TRANK1: variants seen among roughly 807,000 people sequenced by gnomAD.
The protein encoded by TRANK1 is TPR and ankyrin repeat-containing protein 1.
Under a neutral mutation model 266.0 loss-of-function variants are expected in TRANK1, and 198 were observed. The ratio of observed to expected loss-of-function variants is 0.74; its 90% CI spans 0.66 to 0.84. TRANK1 has a LOEUF of 0.84. Among genes scored for constraint, TRANK1 ranks in the 40% least tolerant of loss-of-function variants. TRANK1 has a pLI of 0.00. For missense variants in TRANK1, 3,326 were observed against 3,634.6 expected, an observed-to-expected ratio of 0.92 and a Z score of 2.18; for synonymous variants, 1,396 against 1,384.1, an observed-to-expected ratio of 1.01 and a Z score of -0.19.
At chr3:36,917,130 T>C (rs1205166367) in intron 1 of TRANK1, among the ~76,000 whole-genome samples, 3 of 152,062 alleles carry the variant, frequency 2.0e-5, no homozygotes, top group South Asian at 4.1e-4. Context: ...GCATGTAATA[T>C]TGGATTTTCT....
In TRANK1 at chr3:36,864,370, G is replaced by A; in HGVS notation, c.1189C>T (p.Leu397=). 1.3e-6 allele frequency: 2 copies of A among 1,536,916 alleles called. No individual in the cohort carries two copies. The highest frequency in any genetic ancestry group is 1.4e-5 in the African/African-American group (1 of 73,124). ...AACCTCTGAACTACTTCCTGCTTCA[G>A]AAAGTTTTTATGCAATAACCGGTTT... The part of the protein sequence containing the change: ...SGNRLLHKNF[L]KQEVVQRFLR... The change falls in exon 10 of 24, where the codon CTG becomes TTG. Residue 397 remains leucine, a synonymous_variant. Transcript: ENST00000645898.
chr3:36,846,325 C>T lies in TRANK1; in HGVS notation c.5114G>A (p.Arg1705Gln), dbSNP rs1004826361. 11 of 1,613,702 alleles carry T rather than the reference C, an allele frequency of 6.8e-6. No individual in the cohort carries two copies. Among genetic ancestry groups the T allele is most frequent in the East Asian group, 6.7e-5 (3 of 44,880 alleles). ...TTTGAATGCGGGAGCCCGTTTCTCT[C>T]GGTTTTCATCAAAGATCCAGAGGTT... The part of the protein sequence containing the change: ...RVNLWIFDEN[R>Q]EKRAPAFKYF... Residue 1705 changes from arginine (R) to glutamine (Q), a missense_variant, in exon 17 of 24, where the codon CGA (arginine) becomes CAA (glutamine). Coordinates refer to ENST00000645898, the MANE Select transcript of TRANK1 (RefSeq NM_001329998.2).
intron 8 of TRANK1, among the ~76,000 whole-genome samples, chr3:36,885,273 A>C (rs142385449): frequency 1.6e-4 from 24 of 152,338 alleles, no homozygotes; most frequent in African/African-American, 5.8e-4. Context: ...TGAGGATACA[A>C]AATCATTTCT....
intron 1 of TRANK1, among the ~76,000 whole-genome samples, chr3:36,941,696 T>C (rs2080498787): frequency 1.3e-5 from 2 of 152,188 alleles, no homozygotes; most frequent in Admixed American, 1.3e-4. Flanking sequence ...AGGTTAAACT[T>C]AACCATTCTC....
At chr3:36,881,590 G>A (rs777562984) in intron 8 of TRANK1, among the ~76,000 whole-genome samples, 1 of 152,148 alleles carries the variant, frequency 6.6e-6, no homozygotes, top group African/African-American at 2.4e-5. Context: ...TCCAGCCTGG[G>A]CAACACAAGG....
chr3:36,941,338 A>G (rs1324983465), intron 1 of TRANK1, among the ~76,000 whole-genome samples: 2 of 152,208 alleles, frequency 1.3e-5, no homozygotes, highest in East Asian at 3.9e-4. Context: ...CAAAAGACAC[A>G]CAGGGAGTCC....
intron 1 of TRANK1, among the ~76,000 whole-genome samples, chr3:36,911,523 C>G (rs1353573991): frequency 6.6e-6 from 1 of 152,086 alleles, no homozygotes; most frequent in African/African-American, 2.4e-5. Flanking sequence ...ACCAAGTCAG[C>G]TCTTAATGTT....
At chr3:36,912,439 C>G (rs2080065511) in intron 1 of TRANK1, among the ~76,000 whole-genome samples, 1 of 152,204 alleles carries the variant, frequency 6.6e-6, no homozygotes, top group Admixed American at 6.5e-5. Flanking sequence ...GCACTGAGCA[C>G]TCTACCCTGC....
chr3:36,908,010 T>G (rs1307961805), intron 2 of TRANK1, among the ~76,000 whole-genome samples: 1 of 152,098 alleles, frequency 6.6e-6, no homozygotes, highest in Admixed American at 6.5e-5. Flanking sequence ...GCATAGATAA[T>G]AAAGAAGATG....
intron 11 of TRANK1, among the ~76,000 whole-genome samples, chr3:36,859,455 TGCCCTC>T (rs1290332429): frequency 1.3e-5 from 2 of 152,062 alleles, no homozygotes; most frequent in Non-Finnish European, 2.9e-5. Flanking sequence ...GTGTGTGACG[TGCCCTC>T]CCTTTGTCCA....
intron 1 of TRANK1, among the ~76,000 whole-genome samples, chr3:36,925,717 A>C (rs2080278993): frequency 6.6e-6 from 1 of 151,566 alleles, no homozygotes; most frequent in Non-Finnish European, 1.5e-5. Context: ...CAGCCTCCCG[A>C]GTAGCTGGGA....
chr3:36,838,734 T>C lies in TRANK1; in HGVS notation c.5281-18A>G, dbSNP rs775924002. 1.9e-6 allele frequency: 3 copies of C among 1,607,970 alleles called. No individual in the cohort carries two copies. The highest frequency in any genetic ancestry group is 2.5e-6 in the Non-Finnish European group (3 of 1,176,720). On this transcript the variant is annotated intron_variant, in intron 18 of 23. Coordinates refer to ENST00000645898, the MANE Select transcript of TRANK1 (RefSeq NM_001329998.2). ...GCTGCAACCTGGAATAGGCAAAAAG[T>C]TTTATTCCCAGCAAGGTAATGGAGG...
At position 36,855,560 on chromosome 3, in the gene TRANK1, G is replaced by C. The variant is rs370350988; in HGVS notation, c.4162C>G (p.Arg1388Gly). Residue 1388 changes from arginine to glycine, a missense_variant, in exon 13 of 24, where the codon CGG becomes GGG. By Grantham distance (125) the Arg-to-Gly change is moderately radical (BLOSUM62 -2). Transcript: ENST00000645898. ...RKRCPNFKED[R>G]SEIYSLFSLY... is the part of the protein sequence containing the mutation. ...CTGAAGAGGCTGTAGATCTCACTCC[G>C]GTCTTCCTTGAAATTGGGGCACCGT... 3 of 1,613,610 alleles carry C rather than the reference G, an allele frequency of 1.9e-6. No individual in the cohort carries two copies. Among genetic ancestry groups the C allele is most frequent in the Non-Finnish European group, 2.5e-6 (3 of 1,179,798 alleles).
chr3:36,841,249 G>A (rs189910683), intron 18 of TRANK1, among the ~76,000 whole-genome samples: 98 of 152,314 alleles, frequency 6.4e-4, no homozygotes, highest in African/African-American at 1.2e-3. Context: ...GTTCCAAAGC[G>A]GCAAGAGAAA....
In TRANK1 at chr3:36,904,308, G is replaced by A. The variant is rs570793649; in HGVS notation, c.156-1033C>T. On this transcript the variant is annotated intron_variant, in intron 2 of 23. Transcript: ENST00000645898. ...CACTTCGGGAGGCCGAGGCCGAGGC[G>A]AGGAGTTCGAGACCATCCTGGCCAA... Among the ~76,000 whole-genome samples the A allele has an allele frequency of 6.6e-5, 10 of 151,262 alleles. No homozygotes were observed. The South Asian group carries it at 8.4e-4, about 13-fold the overall frequency.
At chr3:36,893,618 AC>A (rs1684520620) in intron 5 of TRANK1, among the ~76,000 whole-genome samples, 1 of 152,214 alleles carries the variant, frequency 6.6e-6, no homozygotes, top group African/African-American at 2.4e-5. Flanking sequence ...TAAACTACTG[AC>A]CCTATCTAAA....
intron 6 of TRANK1, 91 bp downstream of exon 6, chr3:36,892,810 A>G: frequency 2.2e-6 from 1 of 450,178 alleles, no homozygotes; most frequent in African/African-American, 2.1e-5. Flanking sequence ...CCTGGGCGAA[A>G]GGGCGAGACT....
chr3:36,866,104 G>GAAAGAAAGAA (rs1553622450), intron 9 of TRANK1, among the ~76,000 whole-genome samples: 3 of 149,192 alleles, frequency 2.0e-5, no homozygotes, highest in Non-Finnish European at 3.0e-5. Context: ...AAGAAAGAAA[G>GAAAGAAAGAA]AAAGAAAGAA....
At position 36,918,118 on chromosome 3, in the gene TRANK1, T is replaced by G. The variant is rs116742281; in HGVS notation, c.24-9664A>C. Among the ~76,000 whole-genome samples the G allele has an allele frequency of 3.1e-3, 470 of 152,234 alleles. 2 individuals carry two copies. The highest frequency in any genetic ancestry group is 6.1e-3 in the Admixed American group (94 of 15,286). ...CACAAGATACAACATGGATGAACCT[T>G]CAGGGCATCATGCTAAGTGAAATAA... On this transcript the variant is annotated intron_variant, in intron 1 of 23. Transcript: ENST00000645898.
Sources: gnomAD v4.1 joint callset for allele counts (sites outside exome capture counted in the v4.1 genomes callset) on GRCh38, gnomAD v4.1.1 for gene constraint, MANE v1.5 for transcripts, NCBI Gene and HGNC (gene_info 2026-07-23, HGNC 2026-07-21) for gene names.